MGMT: variants seen among roughly 807,000 people sequenced by gnomAD.
MGMT encodes the protein O-6-methylguanine-DNA methyltransferase, also known as methylated-DNA--protein-cysteine methyltransferase.
A neutral mutation model predicts 15.9 loss-of-function variants in MGMT; 14 were observed. The observed-to-expected ratio is 0.88, with a 90% CI of 0.58 to 1.37. The LOEUF (loss-of-function observed/expected upper bound fraction) is 1.37. Ranked by LOEUF, MGMT falls within the 40% of genes most tolerant of loss-of-function variation. MGMT has a pLI of 0.00. For synonymous variants in MGMT, 130 were observed against 118.2 expected (o/e 1.10, Z -0.65); for missense variants, 282 against 268.1 (o/e 1.05, Z -0.36).
At chr10:129,685,687 A>T (rs1847897290) in intron 2 of MGMT, among the ~76,000 whole-genome samples, 1 of 151,988 alleles carries the variant, frequency 6.6e-6, no homozygotes, top group Non-Finnish European at 1.5e-5. Flanking sequence ...CAGGTTCCTG[A>T]CTCCGCTTTG....
At chr10:129,673,689 A>G (rs1847752087) in intron 2 of MGMT, among the ~76,000 whole-genome samples, 1 of 152,160 alleles carries the variant, frequency 6.6e-6, no homozygotes, top group Non-Finnish European at 1.5e-5. Flanking sequence ...TATTAGTTGA[A>G]GAAATTGCCA....
At chr10:129,667,986 T>C (rs1313826901) in intron 2 of MGMT, among the ~76,000 whole-genome samples, 1 of 152,236 alleles carries the variant, frequency 6.6e-6, no homozygotes, top group African/African-American at 2.4e-5. Flanking sequence ...ATATGGATCC[T>C]TTGCTGGCCA....
chr10:129,581,608 T>C (rs1846556197), intron 2 of MGMT, among the ~76,000 whole-genome samples: 1 of 152,216 alleles, frequency 6.6e-6, no homozygotes, highest in Admixed American at 6.5e-5. Context: ...CAGACACGTC[T>C]CAGAATAAGA....
chr10:129,530,465 A>G lies in MGMT; in HGVS notation c.-12-5776A>G, dbSNP rs541696740. Reference sequence around the variant, plus strand: ...CTTCCAGTTTCTGGCACCTTAGCCCAGTAGCTCCTGTGTAGGGGTGCTAAG... The same window carrying G: ...CTTCCAGTTTCTGGCACCTTAGCCCGGTAGCTCCTGTGTAGGGGTGCTAAG... On this transcript the variant is annotated intron_variant, in intron 1 of 4. Coordinates refer to ENST00000651593, the MANE Select transcript of MGMT (RefSeq NM_002412.5). 3.3e-5 allele frequency among the ~76,000 whole-genome samples: 5 copies of G among 152,306 alleles called. No homozygotes were observed. The East Asian group carries it at 9.7e-4, about 29-fold the overall frequency.
chr10:129,541,937 T>C (rs1372331475), intron 2 of MGMT, among the ~76,000 whole-genome samples: 1 of 152,174 alleles, frequency 6.6e-6, no homozygotes, highest in African/African-American at 2.4e-5. Flanking sequence ...CCTGACCCTC[T>C]TCTGAGCACC....
At chr10:129,763,514 T>G (rs991055309) in intron 4 of MGMT, among the ~76,000 whole-genome samples, 1 of 152,200 alleles carries the variant, frequency 6.6e-6, no homozygotes, top group African/African-American at 2.4e-5. Context: ...TCTGCATTGA[T>G]GTACAGGAAG....
intron 2 of MGMT, among the ~76,000 whole-genome samples, chr10:129,641,443 C>A (rs1847327020): frequency 6.6e-6 from 1 of 152,128 alleles, no homozygotes; most frequent in Non-Finnish European, 1.5e-5. Context: ...ATTCTGAAAT[C>A]TATGTGGAAA....
intron 2 of MGMT, among the ~76,000 whole-genome samples, chr10:129,703,278 C>T (rs59392731): frequency 0.011 from 1,745 of 152,274 alleles, 26 homozygotes; most frequent in African/African-American, 0.04. Context: ...TCAAATATCC[C>T]TTTAAGAGTG....
chr10:129,608,955 T>G (rs1407426083), intron 2 of MGMT, among the ~76,000 whole-genome samples: 1 of 152,248 alleles, frequency 6.6e-6, no homozygotes, highest in Non-Finnish European at 1.5e-5. Context: ...TAAAGCATGC[T>G]TACGCAGTAC....
At chr10:129,646,746 A>T (rs369097584) in intron 2 of MGMT, among the ~76,000 whole-genome samples, 740 of 69,136 alleles carry the variant, frequency 0.011, 72 homozygotes, top group Non-Finnish European at 0.017. Flanking sequence ...ATATATATAT[A>T]TATATATATT....
At chr10:129,552,405 T>C (rs991231337) in intron 2 of MGMT, among the ~76,000 whole-genome samples, 4 of 152,226 alleles carry the variant, frequency 2.6e-5, no homozygotes, top group African/African-American at 4.8e-5. Flanking sequence ...CTGGGCCTCC[T>C]GCACCCCAGA....
chr10:129,698,530 A>C (rs1231047578), intron 2 of MGMT, among the ~76,000 whole-genome samples: 2 of 152,212 alleles, frequency 1.3e-5, no homozygotes, highest in African/African-American at 4.8e-5. Flanking sequence ...TAAGCAACTA[A>C]TTTAAGCTGG....
intron 3 of MGMT, among the ~76,000 whole-genome samples, chr10:129,743,890 T>C (rs1236184599): frequency 6.6e-6 from 1 of 152,262 alleles, no homozygotes; most frequent in African/African-American, 2.4e-5. Context: ...GGCTTGACTC[T>C]GGAGCTTTGG....
At chr10:129,641,292 C>T (rs1847325663) in intron 2 of MGMT, among the ~76,000 whole-genome samples, 1 of 152,058 alleles carries the variant, frequency 6.6e-6, no homozygotes, top group Admixed American at 6.6e-5. Flanking sequence ...ACTACAAAAC[C>T]TTAAATAAAA....
intron 2 of MGMT, among the ~76,000 whole-genome samples, chr10:129,690,676 G>A (rs1847959600): frequency 6.6e-6 from 1 of 152,344 alleles, no homozygotes; most frequent in Admixed American, 6.5e-5. Context: ...GCCAGGATGG[G>A]GAGACCACAT....
At chr10:129,632,454 G>A (rs150460108) in intron 2 of MGMT, among the ~76,000 whole-genome samples, 278 of 148,274 alleles carry the variant, frequency 1.9e-3, no homozygotes, top group African/African-American at 6.6e-3. Context: ...GTATTTTCAC[G>A]TGAGACTTCG....
chr10:129,599,391 T>C (rs1029956323), intron 2 of MGMT, among the ~76,000 whole-genome samples: 4 of 152,252 alleles, frequency 2.6e-5, no homozygotes, highest in African/African-American at 4.8e-5. Context: ...GAAGTAGTCA[T>C]GTACAAATGC....
At chr10:129,692,228 A>G (rs1448693954) in intron 2 of MGMT, among the ~76,000 whole-genome samples, 4 of 152,180 alleles carry the variant, frequency 2.6e-5, no homozygotes, top group African/African-American at 7.2e-5. Context: ...CTGGAGCGTT[A>G]CAGGTGGGAG....
chr10:129,638,429 C>CAAAAAAAAAAAAAAAAAAA lies in MGMT; in HGVS notation c.126-69450_126-69449insAAAAAAAAAAAAAAAAAAA. Among the ~76,000 whole-genome samples, 356 of 61,642 alleles carry CAAAAAAAAAAAAAAAAAAA rather than the reference C, an allele frequency of 5.8e-3. 35 individuals carry two copies. The highest frequency in any genetic ancestry group is 7.0e-3 in the Non-Finnish European group (216 of 30,676). The allele number at this position is 61,642 out of a possible 152,430, so 40.4% of individuals were successfully genotyped here. On this transcript the variant is annotated intron_variant, in intron 2 of 4. Coordinates refer to ENST00000651593, the MANE Select transcript of MGMT (RefSeq NM_002412.5). Reference sequence around the variant, plus strand: ...GAAGTCCAAGAGAGGACCAAAGAGGCAAAAAAAAAAAAAAAAGAAAAAAAA... The same window carrying CAAAAAAAAAAAAAAAAAAA: ...GAAGTCCAAGAGAGGACCAAAGAGGCAAAAAAAAAAAAAAAAAAAAAAAAAAAAAAAAAAAGAAAAAAAA...
Sources: allele counts gnomAD v4.1 joint callset (sites outside exome capture counted in the v4.1 genomes callset), GRCh38; gene constraint gnomAD v4.1.1; transcripts MANE v1.5; gene names NCBI Gene and HGNC (gene_info 2026-07-23, HGNC 2026-07-21).